The following CTDSPL2 variants were observed in gnomAD, a reference collection of about 807,000 sequenced individuals.
CTDSPL2 encodes CTD small phosphatase-like protein 2.
In CTDSPL2, 5 loss-of-function variants were observed where a neutral mutation model predicts 60.0. The observed-to-expected ratio is 0.08, with a 90% CI of 0.04 to 0.18. The LOEUF is 0.18. CTDSPL2 is among the 10% of genes least tolerant of loss of function. The pLI, the probability that CTDSPL2 is intolerant of heterozygous loss-of-function variation, is 1.00. For missense variants in CTDSPL2, 370 were observed against 548.8 expected, an observed-to-expected ratio of 0.67 and a Z score of 3.26; for synonymous variants, 186 against 189.3, an observed-to-expected ratio of 0.98 and a Z score of 0.14.
chr15:44,517,081 G>A (rs902042113), intron 10 of CTDSPL2, among the ~76,000 whole-genome samples: 6 of 150,978 alleles, frequency 4.0e-5, no homozygotes, highest in South Asian at 4.2e-4. Context: ...CTCGTGATCC[G>A]CCCACGTTGG....
At chr15:44,475,734 T>C (rs1444369784) in intron 2 of CTDSPL2, among the ~76,000 whole-genome samples, 1 of 152,216 alleles carries the variant, frequency 6.6e-6, no homozygotes, top group East Asian at 1.9e-4. Flanking sequence ...TGTATATATT[T>C]AAAGTATTAA....
At chr15:44,451,023 T>C (rs565455385) in intron 1 of CTDSPL2, among the ~76,000 whole-genome samples, 6 of 152,324 alleles carry the variant, frequency 3.9e-5, no homozygotes, top group East Asian at 3.9e-4. Flanking sequence ...ACAAGCAGAC[T>C]AATATACCCA....
intron 4 of CTDSPL2, among the ~76,000 whole-genome samples, chr15:44,488,419 A>G (rs1455754635): frequency 6.6e-6 from 1 of 152,210 alleles, no homozygotes; most frequent in Admixed American, 6.5e-5. Flanking sequence ...TGAAGATGGC[A>G]CAAGAGTAGA....
At chr15:44,442,038 G>A (rs2080098904) in intron 1 of CTDSPL2, among the ~76,000 whole-genome samples, 1 of 152,158 alleles carries the variant, frequency 6.6e-6, no homozygotes, top group Non-Finnish European at 1.5e-5. Flanking sequence ...CTAAGTGCTG[G>A]TTCCCTCAAA....
In CTDSPL2 at chr15:44,450,306, C is replaced by A. The variant is rs577142759; in HGVS notation, c.-24-8685C>A. On this transcript the variant is annotated intron_variant, in intron 1 of 12. Transcript: ENST00000260327. ...TTTGGAAGATTTAGTCATATAGACACTCCTTATACACTGCTAGTTCAAACC... is the reference window on the plus strand; with the variant it reads ...TTTGGAAGATTTAGTCATATAGACAATCCTTATACACTGCTAGTTCAAACC... 3.3e-5 allele frequency among the ~76,000 whole-genome samples: 5 copies of A among 152,040 alleles called. No individual in the cohort carries two copies. The South Asian group carries it at 1.0e-3, about 32-fold the overall frequency.
At chr15:44,431,390 A>G (rs1240487026) in intron 1 of CTDSPL2, among the ~76,000 whole-genome samples, 1 of 152,242 alleles carries the variant, frequency 6.6e-6, no homozygotes. Context: ...TAGTGTTTGT[A>G]TGACTACATT....
rs371060823 is a variant in CTDSPL2, at chr15:44,487,274, T to C, written c.475+574T>C. Among the ~76,000 whole-genome samples the C allele has an allele frequency of 2.0e-5, 3 of 152,034 alleles. No individual in the cohort carries two copies. In the East Asian group the frequency reaches 5.8e-4, roughly 29 times the overall value. ...TTTGAGACTAGCCTGGGCAACATAG[T>C]GAGACCCTGTCTCTACAAAAAAATG... On this transcript the variant is annotated intron_variant, in intron 4 of 12. Transcript: ENST00000260327.
At chr15:44,445,102 C>G (rs2080182145) in intron 1 of CTDSPL2, among the ~76,000 whole-genome samples, 1 of 151,786 alleles carries the variant, frequency 6.6e-6, no homozygotes, top group East Asian at 1.9e-4. Flanking sequence ...CCTCGGCCTC[C>G]CAGAGTGCTG....
Position 44,525,426 on chromosome 15 carries a change from G to T in CTDSPL2, c.*1252G>T. 2.5e-6 allele frequency: 1 copy of T among 398,794 alleles called. No homozygotes were observed. Among genetic ancestry groups the T allele is most frequent in the Non-Finnish European group, 4.4e-6 (1 of 225,950 alleles). The allele number at this position is 398,794 out of a possible 1,614,324, so 24.7% of individuals were successfully genotyped here. On this transcript the variant is annotated 3_prime_UTR_variant, in exon 13 of 13. Transcript: ENST00000260327. ...TATAGTGGCGTGTAATCTCCTTTTC[G>T]GGAGGCTTTTTATGGAAGGTAGAAT... is the stretch of plus-strand genomic sequence containing the variant.
intron 1 of CTDSPL2, among the ~76,000 whole-genome samples, chr15:44,449,967 G>C (rs1180756928): frequency 1.3e-5 from 2 of 150,078 alleles, no homozygotes; most frequent in Non-Finnish European, 3.0e-5. Context: ...CTCTTGCCTG[G>C]GTGACAGAGC....
In CTDSPL2 at chr15:44,459,048, T is replaced by G; in HGVS notation, c.34T>G (p.Ser12Ala). The stretch of plus-strand genomic sequence containing the variant: ...GAGAACACGGAAAGCTTCTCAGCAG[T>G]CAAATCAAATCCAAACACAACGCAC... ...RLRTRKASQQSNQIQTQRTAR... is the reference protein window; with the variant it reads ...RLRTRKASQQANQIQTQRTAR... Residue 12 changes from serine (S) to alanine (A), a missense_variant, in exon 2 of 13, where the codon TCA becomes GCA. This residue lies in a region of CTDSPL2 where 287 missense variants were observed against 296.1 expected (regional missense o/e 0.97). Coordinates refer to ENST00000260327, the MANE Select transcript of CTDSPL2 (RefSeq NM_016396.3). The G allele has an allele frequency of 1.2e-6, 2 of 1,602,510 alleles. No individual in the cohort carries two copies. The highest frequency in any genetic ancestry group is 8.5e-7 in the Non-Finnish European group (1 of 1,174,278).
intron 1 of CTDSPL2, among the ~76,000 whole-genome samples, chr15:44,438,047 G>A (rs1264545937): frequency 1.3e-5 from 2 of 152,080 alleles, no homozygotes; most frequent in African/African-American, 4.8e-5. Context: ...GGTGGATCAC[G>A]AGGTCAGGAG....
At chr15:44,460,195 C>T (rs2080537095) in intron 2 of CTDSPL2, among the ~76,000 whole-genome samples, 1 of 152,314 alleles carries the variant, frequency 6.6e-6, no homozygotes, top group Admixed American at 6.5e-5. Flanking sequence ...ACTGCAACCT[C>T]TGCCTCCCGA....
rs376947558 is a variant in CTDSPL2 at position 44,528,431 on chromosome 15, A to G, written c.*4257A>G. ...TCTAATAGCCAGTATTGGGTAATCA[A>G]TGTTTTAGCTAAATGTGACACTGGT... On this transcript the variant is annotated 3_prime_UTR_variant, in exon 13 of 13. Coordinates refer to ENST00000260327, the MANE Select transcript of CTDSPL2 (RefSeq NM_016396.3). The G allele has an allele frequency of 6.6e-5, 10 of 151,456 alleles. No homozygotes were observed. Among genetic ancestry groups the G allele is most frequent in the South Asian group, 2.1e-4 (1 of 4,796 alleles). The allele number at this position is 151,456 out of a possible 1,614,324, so 9.4% of individuals were successfully genotyped here.
chr15:44,469,002 T>A (rs913893128), intron 2 of CTDSPL2, among the ~76,000 whole-genome samples: 2 of 152,128 alleles, frequency 1.3e-5, no homozygotes, highest in African/African-American at 2.4e-5. Context: ...CCACTCTGTT[T>A]GTATTCAATT....
chr15:44,469,619 G>A (rs1210506342), intron 2 of CTDSPL2, among the ~76,000 whole-genome samples: 4 of 151,562 alleles, frequency 2.6e-5, no homozygotes, highest in African/African-American at 9.7e-5. Context: ...GGTATTTTTT[G>A]GTACTTACTA....
At chr15:44,438,157 G>T in intron 1 of CTDSPL2, among the ~76,000 whole-genome samples, 1 of 152,258 alleles carries the variant, frequency 6.6e-6, no homozygotes, top group East Asian at 1.9e-4. Context: ...CCAGCTACTC[G>T]GAAGGCTGGG....
At chr15:44,467,642 C>T (rs1165916799) in intron 2 of CTDSPL2, among the ~76,000 whole-genome samples, 3 of 152,100 alleles carry the variant, frequency 2.0e-5, no homozygotes, top group African/African-American at 7.2e-5. Flanking sequence ...GGTGCGATCT[C>T]AGCTCACCAC....
intron 2 of CTDSPL2, among the ~76,000 whole-genome samples, chr15:44,459,991 A>AC (rs1567071831): frequency 1.3e-5 from 2 of 152,084 alleles, no homozygotes; most frequent in Admixed American, 1.3e-4. Flanking sequence ...AGAGTCATTT[A>AC]CCCCCCAAGC....
Sources: allele counts gnomAD v4.1 joint callset (sites outside exome capture counted in the v4.1 genomes callset), GRCh38; gene constraint gnomAD v4.1.1; regional missense constraint gnomAD v4.1.1; transcripts MANE v1.5; gene names NCBI Gene and HGNC (gene_info 2026-07-23, HGNC 2026-07-21).